SLC20A2: variants seen among roughly 807,000 people sequenced by gnomAD.
SLC20A2 encodes the protein solute carrier family 20 member 2.
Under a neutral mutation model 61.0 loss-of-function variants are expected in SLC20A2, and 30 were observed. The ratio of observed to expected loss-of-function variants is 0.49; its 90% CI spans 0.37 to 0.67. The LOEUF (loss-of-function observed/expected upper bound fraction) is 0.67. SLC20A2 is among the 30% of genes least tolerant of loss of function. The pLI is 0.00. For synonymous variants in SLC20A2, 351 were observed against 353.3 expected (o/e 0.99, Z 0.07); for missense variants, 626 against 866.4 (o/e 0.72, Z 3.48).
At chr8:42,529,986 T>A (rs1812217767) in intron 1 of SLC20A2, among the ~76,000 whole-genome samples, 1 of 152,228 alleles carries the variant, frequency 6.6e-6, no homozygotes, top group South Asian at 2.1e-4. Flanking sequence ...CTGGCAGTTC[T>A]ATCCAAATAC....
intron 10 of SLC20A2, among the ~76,000 whole-genome samples, chr8:42,418,355 C>T (rs1029764850): frequency 1.3e-5 from 2 of 151,714 alleles, no homozygotes; most frequent in East Asian, 1.9e-4. Context: ...TTAGTAGAGA[C>T]GGGGTTTCAC....
At chr8:42,463,182 AC>A in intron 3 of SLC20A2, 92 bp from the exon 4 acceptor site, 3 of 692,180 alleles carry the variant, frequency 4.3e-6, no homozygotes, top group Non-Finnish European at 7.3e-6. Context: ...AAAATGTATT[AC>A]ATACATTCAT....
At position 42,437,232 on chromosome 8, in the gene SLC20A2, C is replaced by G. The variant is rs1319836748; in HGVS notation, c.1280G>C (p.Arg427Thr). ...VGDTVSYSKKRLRYDSYSSYC... is the reference protein window; with the variant it reads ...VGDTVSYSKKTLRYDSYSSYC... ...GCTCGAGTAGCTGTCGTAGCGCAGC[C>G]TCTTCTTGGAGTAGGACACGGTGTC... is the stretch of plus-strand genomic sequence containing the variant. Residue 427 changes from arginine to threonine, a missense_variant, in exon 8 of 11, where the codon AGG becomes ACG. Arg to Thr is a moderately conservative substitution (Grantham distance 71, BLOSUM62 -1). Coordinates refer to ENST00000520262, the MANE Select transcript of SLC20A2 (RefSeq NM_001257180.2). The surrounding 1 kb of genome is among the most constrained non-coding windows in gnomAD (Gnocchi z 6.4). 1.2e-6 allele frequency: 2 copies of G among 1,613,830 alleles called. No homozygotes were observed. The highest frequency in any genetic ancestry group is 2.2e-5 in the East Asian group (1 of 44,900).
intron 2 of SLC20A2, 113 bp from the exon 3 acceptor site, chr8:42,466,030 G>T: frequency 7.1e-6 from 7 of 985,200 alleles, no homozygotes; most frequent in Non-Finnish European, 1.0e-5. Flanking sequence ...AATTTTCTGT[G>T]AATTGTTTCT....
chr8:42,514,282 G>A (rs1209566783), intron 1 of SLC20A2, among the ~76,000 whole-genome samples: 11 of 152,310 alleles, frequency 7.2e-5, no homozygotes, highest in South Asian at 2.1e-4. Flanking sequence ...ATCAGCTTAG[G>A]ATAGCAATAG....
At position 42,479,019 on chromosome 8, in the gene SLC20A2, G is replaced by A. The variant is rs563049365; in HGVS notation, c.-264-6365C>T. Among the ~76,000 whole-genome samples the A allele has an allele frequency of 7.2e-5, 11 of 152,292 alleles. 1 individual carries two copies. The South Asian group carries it at 8.3e-4, about 11-fold the overall frequency. On this transcript the variant is annotated intron_variant, in intron 1 of 10. Coordinates refer to ENST00000520262, the MANE Select transcript of SLC20A2 (RefSeq NM_001257180.2). ...ACAGCACATTTAAAACAATGGCAGCGAGAAGACGGATCGAGGAGGGGCTCG... is the reference window on the plus strand; with the variant it reads ...ACAGCACATTTAAAACAATGGCAGCAAGAAGACGGATCGAGGAGGGGCTCG...
chr8:42,524,128 A>G (rs1373394676), intron 1 of SLC20A2, among the ~76,000 whole-genome samples: 2 of 152,224 alleles, frequency 1.3e-5, no homozygotes, highest in Non-Finnish European at 2.9e-5. Context: ...CTGGGAGAGT[A>G]TACCAAGGAA....
chr8:42,442,563 T>C (rs2131039810), intron 6 of SLC20A2, among the ~76,000 whole-genome samples: 1 of 152,362 alleles, frequency 6.6e-6, no homozygotes, highest in African/African-American at 2.4e-5. Context: ...TCCATTAATC[T>C]ATGTGTCTCT....
chr8:42,514,825 G>A (rs1461362073), intron 1 of SLC20A2, among the ~76,000 whole-genome samples: 1 of 151,904 alleles, frequency 6.6e-6, no homozygotes, highest in African/African-American at 2.4e-5. Flanking sequence ...AAACGTACAT[G>A]TAATTTCTGG....
chr8:42,505,944 G>A (rs1479069727), upstream of SLC20A2, among the ~76,000 whole-genome samples: 2 of 143,606 alleles, frequency 1.4e-5, no homozygotes, highest in African/African-American at 5.2e-5. Context: ...TCTTCAACTC[G>A]TTAAGAATTC....
intron 1 of SLC20A2, among the ~76,000 whole-genome samples, chr8:42,531,475 G>A (rs1385254381): frequency 6.6e-6 from 1 of 152,124 alleles, no homozygotes; most frequent in Non-Finnish European, 1.5e-5. Flanking sequence ...ACTCACATCA[G>A]TCTACCTCCA....
chr8:42,445,936 A>C (rs1357549284), intron 5 of SLC20A2, among the ~76,000 whole-genome samples: 1 of 152,164 alleles, frequency 6.6e-6, no homozygotes, highest in Non-Finnish European at 1.5e-5. Context: ...ACTTCTTTGA[A>C]ATCAATTGAG....
intron 10 of SLC20A2, among the ~76,000 whole-genome samples, chr8:42,427,288 C>T (rs1178666826): frequency 6.6e-6 from 1 of 152,228 alleles, no homozygotes; most frequent in African/African-American, 2.4e-5. Context: ...AGTGCTTGCC[C>T]CAGGCACCTT....
chr8:42,431,579 T>C (rs1803872688), intron 8 of SLC20A2, among the ~76,000 whole-genome samples: 2 of 152,176 alleles, frequency 1.3e-5, no homozygotes, highest in South Asian at 2.1e-4. Context: ...ACACTAACAA[T>C]AGATTTTCAA....
chr8:42,418,955 G>A (rs1802858480), intron 10 of SLC20A2, among the ~76,000 whole-genome samples: 1 of 147,640 alleles, frequency 6.8e-6, no homozygotes, highest in African/African-American at 2.5e-5. Flanking sequence ...CTTGCAGTGA[G>A]CGGAGATCAT....
upstream of SLC20A2, among the ~76,000 whole-genome samples, chr8:42,503,724 C>T (rs1563531304): frequency 6.6e-6 from 1 of 152,176 alleles, no homozygotes; most frequent in Non-Finnish European, 1.5e-5. Context: ...ATTTCCAGTG[C>T]TCAGTACCCA....
intron 8 of SLC20A2, among the ~76,000 whole-genome samples, chr8:42,431,778 G>C (rs1803886501): frequency 6.6e-6 from 1 of 152,226 alleles, no homozygotes. Context: ...TCTTAGGAAT[G>C]ATGCTAAATC....
At chr8:42,461,649 G>C (rs867067520) in intron 4 of SLC20A2, among the ~76,000 whole-genome samples, 1 of 151,724 alleles carries the variant, frequency 6.6e-6, no homozygotes, top group Admixed American at 6.6e-5. Context: ...ATGGGGTTTC[G>C]CTATGTTTGC....
chr8:42,518,857 G>A (rs906959567), intron 1 of SLC20A2, among the ~76,000 whole-genome samples: 6 of 152,038 alleles, frequency 3.9e-5, no homozygotes, highest in Non-Finnish European at 7.4e-5. Context: ...CACTGTTTTG[G>A]GTATTTGATT....
Sources: allele counts gnomAD v4.1 joint callset (sites outside exome capture counted in the v4.1 genomes callset), GRCh38; gene constraint gnomAD v4.1.1; non-coding constraint Gnocchi (gnomAD v3.1); transcripts MANE v1.5; gene names NCBI Gene and HGNC (gene_info 2026-07-23, HGNC 2026-07-21).